The following SPON2 variants were observed in gnomAD, a reference collection of about 807,000 sequenced individuals.
SPON2 encodes spondin-2.
In SPON2, 32 loss-of-function variants were observed where a neutral mutation model predicts 29.9. The observed-to-expected ratio is 1.07, with a 90% CI of 0.81 to 1.44. The LOEUF (loss-of-function observed/expected upper bound fraction) is 1.44. Among genes scored for constraint, SPON2 ranks in the 40% most tolerant of loss-of-function variants. The pLI is 0.00. For missense variants in SPON2, 541 were observed against 455.5 expected (o/e 1.19, Z -1.71); for synonymous variants, 248 against 209.1 (o/e 1.19, Z -1.61).
intron 5 of SPON2, among the ~76,000 whole-genome samples, chr4:1,168,455 A>G (rs541723744): frequency 5.9e-5 from 9 of 152,352 alleles, no homozygotes; most frequent in African/African-American, 2.2e-4. Flanking sequence ...AAGGGGGTCA[A>G]TGTGCAGGTG....
At position 1,172,576 on chromosome 4, in the gene SPON2, G is replaced by T. The variant is rs911195638; in HGVS notation, c.-36C>A. ...GAGCAGCGGGAGCGCGGCCGGCAGC[G>T]GTCGGGTCCCAGCCAGAGCCCGGAG... is the stretch of plus-strand genomic sequence containing the variant. On this transcript the variant is annotated 5_prime_UTR_variant, in exon 1 of 6. Transcript: ENST00000290902. 1 of 166,952 alleles carries T rather than the reference G, an allele frequency of 6.0e-6. No individual in the cohort carries two copies. The highest frequency in any genetic ancestry group is 1.3e-5 in the Non-Finnish European group (1 of 77,674). The allele number at this position is 166,952 out of a possible 1,614,324, so 10.3% of individuals were successfully genotyped here.
upstream of SPON2, among the ~76,000 whole-genome samples, chr4:1,174,526 A>G (rs1387430198): frequency 6.6e-6 from 1 of 151,926 alleles, no homozygotes; most frequent in Non-Finnish European, 1.5e-5. Context: ...AACAAAAACA[A>G]AAAAAACTAA....
At chr4:1,191,356 TGAG>T (rs1727911011) in intron 1 of SPON2, among the ~76,000 whole-genome samples, 1 of 152,214 alleles carries the variant, frequency 6.6e-6, no homozygotes, top group African/African-American at 2.4e-5. Context: ...GTCACTCACT[TGAG>T]GAGAGATCAG....
At chr4:1,168,948 C>A (rs1425780335) in intron 5 of SPON2, among the ~76,000 whole-genome samples, 1 of 152,180 alleles carries the variant, frequency 6.6e-6, no homozygotes, top group East Asian at 1.9e-4. Flanking sequence ...ACAGGAGAGA[C>A]CCTTGTGGGC....
chr4:1,168,893 C>T lies in SPON2; in HGVS notation c.812-1237G>A, dbSNP rs538301704. ...CTGGCGGAGCCTCCTGGGTGCCAGC[C>T]GCCACATGCCCATCCCAGCCTCTGC... On this transcript the variant is annotated intron_variant, in intron 5 of 5. Transcript: ENST00000290902. Among the ~76,000 whole-genome samples, 49 of 152,312 alleles carry T rather than the reference C, an allele frequency of 3.2e-4. No homozygotes were observed. The South Asian group carries it at 6.8e-3, about 21-fold the overall frequency.
intron 5 of SPON2, 156 bp from the exon 6 acceptor site, chr4:1,167,812 C>G: frequency 1.4e-6 from 1 of 718,928 alleles, no homozygotes; most frequent in East Asian, 3.0e-5. Flanking sequence ...GAGTGAGCGG[C>G]AAGATGGGAT....
In SPON2 at chr4:1,202,370, C is replaced by G. The variant is rs1032861754; in HGVS notation, c.-234+5510G>C. Among the ~76,000 whole-genome samples the G allele has an allele frequency of 3.3e-5, 5 of 152,246 alleles. No individual in the cohort carries two copies. Among genetic ancestry groups the G allele is most frequent in the African/African-American group, 1.2e-4 (5 of 41,476 alleles). On this transcript the variant is annotated intron_variant, in intron 1 of 3. Coordinates refer to the SPON2 transcript ENST00000509233. This position sits in a 1 kb window ranked among gnomAD's most constrained non-coding sequence, Gnocchi z 5.4. ...CACTCCACGGGGTCTAAGTTTCAGC[C>G]TGAGCTTTAGAGGACGGAAACGTTC...
intron 1 of SPON2, among the ~76,000 whole-genome samples, chr4:1,191,229 TA>T (rs1727907994): frequency 6.6e-6 from 1 of 152,098 alleles, no homozygotes; most frequent in Non-Finnish European, 1.5e-5. Flanking sequence ...AAAACTGTAG[TA>T]ATCAAGACAG....
intron 4 of SPON2, 31 bp from the exon 5 acceptor site, chr4:1,170,607 G>T (rs752094281): frequency 6.3e-7 from 1 of 1,586,964 alleles, no homozygotes; most frequent in South Asian, 1.1e-5. Flanking sequence ...GTTGGCCTGG[G>T]GTCCGAGAAG....
chr4:1,167,612 A>G lies in SPON2; in HGVS notation c.856T>C (p.Trp286Arg), dbSNP rs745468991. The change falls in exon 6 of 6, where the codon TGG becomes CGG. Residue 286 changes from tryptophan (W) to arginine (R), a missense_variant. Physicochemically the swap from Trp to Arg is moderately radical, Grantham distance 101. Coordinates refer to ENST00000290902, the MANE Select transcript of SPON2 (RefSeq NM_012445.4). ...CCACAGTGGCCTCCGCACAGTCCCCAGGACGACCACAGGGAGACCTCGCAG... is the reference window on the plus strand; with the variant it reads ...CCACAGTGGCCTCCGCACAGTCCCCGGGACGACCACAGGGAGACCTCGCAG... ...LDCEVSLWSS[W>R]GLCGGHCGRL... 9 of 1,613,102 alleles carry G rather than the reference A, an allele frequency of 5.6e-6. No individual in the cohort carries two copies. In the East Asian group the frequency reaches 2.0e-4, roughly 36 times the overall value.
chr4:1,167,579 C>T lies in SPON2; in HGVS notation c.889G>A (p.Gly297Arg). Residue 297 changes from glycine (G) to arginine (R), a missense_variant, in exon 6 of 6, where the codon GGG (glycine) becomes AGG (arginine). Physicochemically the swap from Gly to Arg is moderately radical, Grantham distance 125. Transcript: ENST00000290902. The stretch of plus-strand genomic sequence containing the variant: ...ACGTAGCGAGTCCTGCTCTTGGTCC[C>T]GAGCCTCCCACAGTGGCCTCCGCAC... ...GLCGGHCGRLGTKSRTRYVRV... is the reference protein window; with the variant it reads ...GLCGGHCGRLRTKSRTRYVRV... The T allele has an allele frequency of 1.2e-6, 2 of 1,613,544 alleles. No homozygotes were observed. Among genetic ancestry groups the T allele is most frequent in the Non-Finnish European group, 8.5e-7 (1 of 1,180,002 alleles).
chr4:1,175,442 G>A (rs994946841), upstream of SPON2, among the ~76,000 whole-genome samples: 2 of 152,052 alleles, frequency 1.3e-5, no homozygotes, highest in East Asian at 1.9e-4. Context: ...TGAGCTCTGC[G>A]ACCTGGGGCC....
At chr4:1,170,231 C>T (rs1727378679) in intron 5 of SPON2, 171 bp downstream of exon 5, 2 of 690,052 alleles carry the variant, frequency 2.9e-6, no homozygotes, top group African/African-American at 1.8e-5. Flanking sequence ...GCAAGAGTCA[C>T]ATCTTCAGTG....
upstream of SPON2, among the ~76,000 whole-genome samples, chr4:1,178,184 A>G (rs1727641342): frequency 6.7e-6 from 1 of 148,460 alleles, no homozygotes; most frequent in African/African-American, 2.5e-5. Context: ...CGGGCTCTGC[A>G]CACACCGAGG....
intron 1 of SPON2, among the ~76,000 whole-genome samples, chr4:1,191,037 C>T (rs928850773): frequency 2.0e-5 from 3 of 151,150 alleles, no homozygotes; most frequent in African/African-American, 7.3e-5. Context: ...TATTGGTCTA[C>T]AGATTCAATC....
chr4:1,197,915 G>A (rs1212222722), upstream of SPON2, among the ~76,000 whole-genome samples: 1 of 152,100 alleles, frequency 6.6e-6, no homozygotes, highest in Admixed American at 6.5e-5. Flanking sequence ...GGGCATGGTG[G>A]TGCGTGCCCG....
chr4:1,192,492 T>C (rs191909087), intron 1 of SPON2, among the ~76,000 whole-genome samples: 2 of 152,366 alleles, frequency 1.3e-5, no homozygotes, highest in East Asian at 3.9e-4. Context: ...GTTGCCATTT[T>C]CGGATTGGCA....
At position 1,167,568 on chromosome 4, in the gene SPON2, G is replaced by C. The variant is rs540726885; in HGVS notation, c.900C>G (p.Ser300Arg). 6.2e-7 allele frequency: 1 copy of C among 1,613,574 alleles called. No individual in the cohort carries two copies. The highest frequency in any genetic ancestry group is 1.3e-5 in the African/African-American group (1 of 75,050). ...GCTGGACCCGGACGTAGCGAGTCCT[G>C]CTCTTGGTCCCGAGCCTCCCACAGT... The part of the protein sequence containing the change: ...GGHCGRLGTK[S>R]RTRYVRVQPA... The change falls in exon 6 of 6, where the codon AGC becomes AGG. Residue 300 changes from serine (S) to arginine (R), a missense_variant. Physicochemically the swap from Ser to Arg is moderately radical, Grantham distance 110. Coordinates refer to ENST00000290902, the MANE Select transcript of SPON2 (RefSeq NM_012445.4).
At chr4:1,201,089 T>C (rs766327285) in intron 1 of SPON2, 41 of 453,996 alleles carry the variant, frequency 9.0e-5, no homozygotes, top group African/African-American at 7.6e-4. Flanking sequence ...GGGGCGCCCA[T>C]GGATGCACCC....
Sources: allele counts gnomAD v4.1 joint callset (sites outside exome capture counted in the v4.1 genomes callset), GRCh38; gene constraint gnomAD v4.1.1; non-coding constraint Gnocchi (gnomAD v3.1); transcripts MANE v1.5; gene names NCBI Gene and HGNC (gene_info 2026-07-23, HGNC 2026-07-21).